Variants in STON2 observed in about 807,000 individuals in gnomAD.
STON2 encodes the protein stonin-2.
STON2 carries 29 observed loss-of-function variants against 65.7 expected under a neutral mutation model. The observed-to-expected ratio is 0.44, with a 90% CI of 0.33 to 0.60. The LOEUF is 0.60. Ranked by LOEUF, STON2 falls within the 20% of genes least tolerant of loss-of-function variation. The probability of loss-of-function intolerance (pLI) is 0.03; values close to 1 mark genes in which losing one functional copy is unlikely to be tolerated. For missense variants in STON2, 1,054 were observed against 1,118.1 expected, an observed-to-expected ratio of 0.94 and a Z score of 0.82; for synonymous variants, 404 against 414.2, an observed-to-expected ratio of 0.98 and a Z score of 0.30.
At chr14:81,289,704 G>A (rs574540593) in intron 5 of STON2, among the ~76,000 whole-genome samples, 49 of 152,310 alleles carry the variant, frequency 3.2e-4, no homozygotes, top group African/African-American at 1.2e-3. Context: ...CATTGTGCCT[G>A]CACTGAATAA....
chr14:81,376,896 T>A (rs1899278391), intron 3 of STON2, among the ~76,000 whole-genome samples: 1 of 152,178 alleles, frequency 6.6e-6, no homozygotes, highest in Non-Finnish European at 1.5e-5. Flanking sequence ...TTCTTGTACA[T>A]TTTTTCCCCT....
chr14:81,395,855 T>C, intron 3 of STON2, 39 bp downstream of exon 3: 1 of 1,607,680 alleles, frequency 6.2e-7, no homozygotes, highest in Non-Finnish European at 8.5e-7. Context: ...GCATCCCTGC[T>C]GACCACAAAC....
chr14:81,353,663 G>A (rs1296423509), intron 4 of STON2, among the ~76,000 whole-genome samples: 1 of 152,168 alleles, frequency 6.6e-6, no homozygotes, highest in Non-Finnish European at 1.5e-5. Flanking sequence ...AAGAAAATCA[G>A]AGGCAGACAC....
chr14:81,381,819 CT>C (rs1287543016), intron 3 of STON2, among the ~76,000 whole-genome samples: 1 of 152,108 alleles, frequency 6.6e-6, no homozygotes, highest in East Asian at 1.9e-4. Flanking sequence ...TCCCATCCTA[CT>C]TTTTTATACA....
At chr14:81,366,578 G>C (rs1212085118) in intron 4 of STON2, among the ~76,000 whole-genome samples, 3 of 151,932 alleles carry the variant, frequency 2.0e-5, no homozygotes, top group Middle Eastern at 3.2e-3. Context: ...GCAGGGGGTG[G>C]GGGGGCAATG....
At chr14:81,300,335 T>C (rs763899345) in intron 5 of STON2, among the ~76,000 whole-genome samples, 53 of 152,004 alleles carry the variant, frequency 3.5e-4, no homozygotes, top group Non-Finnish European at 1.2e-4. Context: ...CTATAAAGCT[T>C]CTAGAGGAAA....
chr14:81,367,066 A>C (rs1898768256), intron 4 of STON2, among the ~76,000 whole-genome samples: 1 of 152,208 alleles, frequency 6.6e-6, no homozygotes, highest in African/African-American at 2.4e-5. Flanking sequence ...AGAGGTTGGC[A>C]CTGCCACAAG....
At chr14:81,436,245 C>T (rs1459803228) in intron 1 of STON2, 1 of 151,558 alleles carries the variant, frequency 6.6e-6, no homozygotes, top group African/African-American at 2.4e-5. Context: ...CCGCCCCCGC[C>T]CCCCGCCCGC....
Position 81,333,543 on chromosome 14 carries a change from A to T in STON2, c.572-9356T>A, listed in dbSNP as rs556296992. On this transcript the variant is annotated intron_variant, in intron 4 of 7. Coordinates refer to ENST00000614646, the MANE Select transcript of STON2 (RefSeq NM_001394390.1). ...GTACTGACTCAAACGGCTAGTAAGT[A>T]GGGAAGCCAGTATTCCAACCAGGCA... Among the ~76,000 whole-genome samples the T allele has an allele frequency of 5.9e-5, 9 of 152,354 alleles. No individual in the cohort carries two copies. In the East Asian group the frequency reaches 1.7e-3, roughly 29 times the overall value.
intron 4 of STON2, among the ~76,000 whole-genome samples, chr14:81,348,394 A>G (rs1897898508): frequency 6.6e-6 from 1 of 152,222 alleles, no homozygotes; most frequent in African/African-American, 2.4e-5. Flanking sequence ...CTGAGAACTA[A>G]TAAATTCGGT....
At chr14:81,417,223 G>A (rs1338860504) in intron 2 of STON2, among the ~76,000 whole-genome samples, 1 of 152,094 alleles carries the variant, frequency 6.6e-6, no homozygotes, top group Non-Finnish European at 1.5e-5. Context: ...TTCACACAAT[G>A]CGACAAAAAC....
chr14:81,342,711 C>T (rs1897659795), intron 4 of STON2, among the ~76,000 whole-genome samples: 1 of 152,156 alleles, frequency 6.6e-6, no homozygotes, highest in Non-Finnish European at 1.5e-5. Flanking sequence ...AGAAGAGAGC[C>T]AGGGTCTGCC....
chr14:81,333,017 T>G, intron 4 of STON2: 1 of 566,016 alleles, frequency 1.8e-6, no homozygotes, highest in Non-Finnish European at 3.2e-6. Context: ...ACTTTCCTCA[T>G]TCTGTTCTTG....
intron 2 of STON2, among the ~76,000 whole-genome samples, chr14:81,407,923 T>C (rs1319609047): frequency 1.3e-5 from 2 of 152,194 alleles, no homozygotes; most frequent in Non-Finnish European, 2.9e-5. Context: ...ACAGGAGCCA[T>C]AGAAGCTGAA....
At chr14:81,308,137 T>C (rs537424569) in intron 5 of STON2, among the ~76,000 whole-genome samples, 1 of 152,340 alleles carries the variant, frequency 6.6e-6, no homozygotes, top group South Asian at 2.1e-4. Context: ...AACAGAAATG[T>C]ATGTTTGAAA....
intron 3 of STON2, among the ~76,000 whole-genome samples, chr14:81,389,963 A>G (rs1251501913): frequency 6.6e-6 from 1 of 152,198 alleles, no homozygotes; most frequent in Non-Finnish European, 1.5e-5. Context: ...CTGTAATCCC[A>G]GCACTTTGGG....
intron 4 of STON2, among the ~76,000 whole-genome samples, chr14:81,340,473 A>G (rs1164823985): frequency 1.3e-5 from 2 of 152,204 alleles, no homozygotes; most frequent in African/African-American, 4.8e-5. Flanking sequence ...TAGATCTTAA[A>G]TAGGGCCCTT....
Position 81,398,461 on chromosome 14 carries a change from GGGTAT to G in STON2, c.-84_-80del, listed in dbSNP as rs758602262. The stretch of plus-strand genomic sequence containing the variant: ...TACTGTCTGGGGTGGGCTGGAGTAG[GGGTAT>G]GGTAGTACGGTAGACTTGGGTCCAG... On this transcript the variant is annotated 5_prime_UTR_variant, in exon 2 of 8. Transcript: ENST00000614646. The G allele has an allele frequency of 1.2e-5, 13 of 1,121,484 alleles. No homozygotes were observed. The African/African-American group carries it at 1.5e-4, about 13-fold the overall frequency. 69.5% of individuals were successfully genotyped at this position (1,121,484 alleles called of 1,614,324 possible).
Position 81,263,607 on chromosome 14 carries a change from G to T in STON2, c.*4807C>A. On this transcript the variant is annotated 3_prime_UTR_variant, in exon 8 of 8. Transcript: ENST00000614646. ...TTGGCCATGTTTTTAAAGCTCATCAGCTGTTGTTACTGTATTTTATGTGTG... is the reference window on the plus strand; with the variant it reads ...TTGGCCATGTTTTTAAAGCTCATCATCTGTTGTTACTGTATTTTATGTGTG... 1 of 335,906 alleles carries T rather than the reference G, an allele frequency of 3.0e-6. No individual in the cohort carries two copies. The highest frequency in any genetic ancestry group is 4.2e-6 in the Non-Finnish European group (1 of 237,668). The allele number at this position is 335,906 out of a possible 1,614,324, so 20.8% of individuals were successfully genotyped here.
Sources: allele counts gnomAD v4.1 joint callset (sites outside exome capture counted in the v4.1 genomes callset), GRCh38; gene constraint gnomAD v4.1.1; transcripts MANE v1.5; gene names NCBI Gene and HGNC (gene_info 2026-07-23, HGNC 2026-07-21).